The following L3MBTL3 variants were observed in gnomAD, a reference collection of about 807,000 sequenced individuals.
The protein encoded by L3MBTL3 is L3MBTL histone methyl-lysine binding protein 3.
In L3MBTL3, 27 loss-of-function variants were observed where a neutral mutation model predicts 102.3. That is an observed-to-expected ratio of 0.26 (90% CI 0.19 to 0.36). L3MBTL3 has a LOEUF of 0.36. L3MBTL3 is among the 10% of genes least tolerant of loss of function. L3MBTL3 has a pLI of 1.00. For synonymous variants in L3MBTL3, 340 were observed against 320.9 expected (o/e 1.06, Z -0.64); for missense variants, 798 against 955.3 (o/e 0.84, Z 2.17).
chr6:130,063,796 A>G (rs1216699079), intron 10 of L3MBTL3, among the ~76,000 whole-genome samples: 1 of 152,190 alleles, frequency 6.6e-6, no homozygotes, highest in Non-Finnish European at 1.5e-5. Context: ...CATTTTAAAC[A>G]GTAACATCAC....
chr6:130,059,662 A>G (rs925908043), intron 9 of L3MBTL3, among the ~76,000 whole-genome samples: 1 of 152,182 alleles, frequency 6.6e-6, no homozygotes, highest in Non-Finnish European at 1.5e-5. Flanking sequence ...CATTCTTCCT[A>G]GTGATGTATG....
intron 11 of L3MBTL3, 36 bp from the exon 12 acceptor site, chr6:130,068,294 T>C (rs1782397271): frequency 3.7e-6 from 4 of 1,088,466 alleles, no homozygotes; most frequent in Non-Finnish European, 4.2e-6. Context: ...AATATTGTGG[T>C]ATTTGAATCA....
In L3MBTL3 at chr6:130,070,969, TC is replaced by T; in HGVS notation, c.1093-5del. ...TTATCTCTAATTAAATCTGTGTGTT[TC>T]CATAGACAGTGATCCCATCGGGCTT... On this transcript the variant is annotated splice_region_variant and splice_polypyrimidine_tract_variant and intron_variant, in intron 12 of 22. Coordinates refer to ENST00000361794, the MANE Select transcript of L3MBTL3 (RefSeq NM_032438.4). 6.2e-7 allele frequency: 1 copy of T among 1,611,518 alleles called. No homozygotes were observed. Among genetic ancestry groups the T allele is most frequent in the Non-Finnish European group, 8.5e-7 (1 of 1,178,606 alleles).
chr6:130,047,751 T>C (rs996688871), intron 3 of L3MBTL3, among the ~76,000 whole-genome samples: 3 of 152,328 alleles, frequency 2.0e-5, no homozygotes, highest in Admixed American at 6.5e-5. Flanking sequence ...TTTTTTCTGC[T>C]CTTGCCCAGC....
chr6:130,079,575 C>CGCAGTAG (rs1783182359), intron 14 of L3MBTL3, among the ~76,000 whole-genome samples: 1 of 152,120 alleles, frequency 6.6e-6, no homozygotes, highest in African/African-American at 2.4e-5. Context: ...AGCATCCCTG[C>CGCAGTAG]GCAGTAGACA....
At chr6:130,039,745 A>T (rs950252738) in intron 2 of L3MBTL3, among the ~76,000 whole-genome samples, 56 of 152,184 alleles carry the variant, frequency 3.7e-4, no homozygotes, top group Non-Finnish European at 1.6e-4. Context: ...CATTTTTGCA[A>T]ATCTCTTTAA....
Position 130,068,361 on chromosome 6 carries a change from C to A in L3MBTL3, c.1032C>A (p.Thr344=), listed in dbSNP as rs1270687525. The A allele has an allele frequency of 6.2e-7, 1 of 1,602,976 alleles. No homozygotes were observed. The highest frequency in any genetic ancestry group is 2.2e-5 in the East Asian group (1 of 44,670). The change falls in exon 12 of 23, where the codon ACC becomes ACA. Residue 344 remains threonine (T), a synonymous_variant. Coordinates refer to ENST00000361794, the MANE Select transcript of L3MBTL3 (RefSeq NM_032438.4). ...GYKEEEFNWQ[T]YLKTCKAQAA... ...AAGAAGAAGAATTCAATTGGCAGACCTATCTTAAGACATGTAAAGCTCAAG... is the reference window on the plus strand; with the variant it reads ...AAGAAGAAGAATTCAATTGGCAGACATATCTTAAGACATGTAAAGCTCAAG...
chr6:130,130,378 T>C (rs1786922555), intron 20 of L3MBTL3, among the ~76,000 whole-genome samples: 1 of 152,216 alleles, frequency 6.6e-6, no homozygotes, highest in Admixed American at 6.5e-5. Flanking sequence ...AAAGACTAAT[T>C]ATATGGCATG....
intron 19 of L3MBTL3, among the ~76,000 whole-genome samples, chr6:130,116,835 C>T (rs1408212468): frequency 6.6e-6 from 1 of 151,670 alleles, no homozygotes; most frequent in African/African-American, 2.4e-5. Flanking sequence ...AAATGTTGAT[C>T]AAGGAAAGCA....
chr6:130,121,034 A>C (rs1432250661), intron 20 of L3MBTL3, 76 bp downstream of exon 20: 1 of 875,192 alleles, frequency 1.1e-6, no homozygotes, highest in Non-Finnish European at 1.8e-6. Context: ...ACTGGAATAC[A>C]ACAGTCTCTT....
At chr6:130,088,784 C>T (rs143721609) in intron 16 of L3MBTL3, among the ~76,000 whole-genome samples, 82 of 152,232 alleles carry the variant, frequency 5.4e-4, no homozygotes, top group Middle Eastern at 3.4e-3. Context: ...TTTCTCAGTT[C>T]ATCAATTTTA....
chr6:130,023,204 A>G (rs1292985519), intron 2 of L3MBTL3, among the ~76,000 whole-genome samples: 2 of 152,206 alleles, frequency 1.3e-5, no homozygotes, highest in East Asian at 1.9e-4. Flanking sequence ...GAGCAGAACT[A>G]ACAACCTTCA....
At chr6:130,051,141 T>G (rs1277711789) in intron 5 of L3MBTL3, 108 bp from the exon 6 acceptor site, 1 of 853,798 alleles carries the variant, frequency 1.2e-6, no homozygotes, top group African/African-American at 1.7e-5. Flanking sequence ...CAGCAAACAC[T>G]ATTCTTTATT....
At position 130,057,480 on chromosome 6, in the gene L3MBTL3, G is replaced by A. The variant is rs1781580655; in HGVS notation, c.742G>A (p.Ala248Thr). Residue 248 changes from alanine to threonine, a missense_variant, in exon 9 of 23, where the codon GCG becomes ACG. Transcript: ENST00000361794. ...LEEEKAVAVP[A>T]KLFKEHQSFP... ...AGAGGAGAAAGCGGTGGCAGTGCCG[G>A]CGAAGCTGTTCAAGGAGGTACGGGC... 1.9e-6 allele frequency: 3 copies of A among 1,609,084 alleles called. No homozygotes were observed. The highest frequency in any genetic ancestry group is 2.5e-6 in the Non-Finnish European group (3 of 1,178,398).
chr6:130,021,066 T>C (rs868163482), intron 1 of L3MBTL3, among the ~76,000 whole-genome samples: 4 of 152,098 alleles, frequency 2.6e-5, no homozygotes, highest in Middle Eastern at 6.8e-3. Context: ...TCTTTATTGG[T>C]TTAGGGAGTC....
intron 3 of L3MBTL3, 139 bp from the exon 4 acceptor site, chr6:130,049,143 G>T: frequency 1.7e-6 from 1 of 601,892 alleles, no homozygotes; most frequent in Non-Finnish European, 3.0e-6. Context: ...TTGGTGGGAG[G>T]TGTATCAGGA....
At chr6:130,080,948 T>C (rs1783299247) in intron 14 of L3MBTL3, among the ~76,000 whole-genome samples, 1 of 152,182 alleles carries the variant, frequency 6.6e-6, no homozygotes, top group South Asian at 2.1e-4. Context: ...TCCTGGGTCA[T>C]CTCTGATCTG....
In L3MBTL3 at chr6:130,078,543, T is replaced by A. The variant is rs746234233; in HGVS notation, c.1245-15T>A. On this transcript the variant is annotated splice_polypyrimidine_tract_variant and intron_variant, in intron 13 of 22. Coordinates refer to ENST00000361794, the MANE Select transcript of L3MBTL3 (RefSeq NM_032438.4). ...ATCCTGATAATTGCAGTTTTTTAAT[T>A]TGTGTAACTTTCAGGTGTGAAGCAT... 6.3e-7 allele frequency: 1 copy of A among 1,592,614 alleles called. No homozygotes were observed. Among genetic ancestry groups the A allele is most frequent in the Non-Finnish European group, 8.6e-7 (1 of 1,163,762 alleles).
intron 2 of L3MBTL3, among the ~76,000 whole-genome samples, chr6:130,026,473 A>G (rs1266857251): frequency 2.0e-5 from 3 of 152,206 alleles, no homozygotes; most frequent in Admixed American, 6.5e-5. Flanking sequence ...TAAAAACAAC[A>G]CATTTCCAGA....
Sources: gnomAD v4.1 joint callset for allele counts (sites outside exome capture counted in the v4.1 genomes callset) on GRCh38, gnomAD v4.1.1 for gene constraint, MANE v1.5 for transcripts, NCBI Gene and HGNC (gene_info 2026-07-23, HGNC 2026-07-21) for gene names.